The following DPP10 variants were observed in gnomAD, a reference collection of about 807,000 sequenced individuals.
The protein encoded by DPP10 is inactive dipeptidyl peptidase 10.
DPP10 carries 33 observed loss-of-function variants against 120.9 expected under a neutral mutation model. That is an observed-to-expected ratio of 0.27 (90% CI 0.21 to 0.37). The LOEUF (loss-of-function observed/expected upper bound fraction) is 0.37, where lower values mean the gene tolerates loss of function less well. Ranked by LOEUF, DPP10 falls within the 10% of genes least tolerant of loss-of-function variation. DPP10 has a pLI of 1.00. For synonymous variants in DPP10, 337 were observed against 326.1 expected, an observed-to-expected ratio of 1.03 and a Z score of -0.36; for missense variants, 816 against 942.8, an observed-to-expected ratio of 0.87 and a Z score of 1.76.
At chr2:115,666,242 G>T (rs950340245) in intron 5 of DPP10, among the ~76,000 whole-genome samples, 1 of 152,036 alleles carries the variant, frequency 6.6e-6, no homozygotes, top group African/African-American at 2.4e-5. Flanking sequence ...TAAAGGAAAG[G>T]GGTTTAATTG....
intron 5 of DPP10, among the ~76,000 whole-genome samples, chr2:115,687,234 G>T (rs2091041062): frequency 6.6e-6 from 1 of 151,880 alleles, no homozygotes; most frequent in African/African-American, 2.4e-5. Flanking sequence ...GAGAAAGAGA[G>T]ATAGAAATTT....
intron 1 of DPP10, among the ~76,000 whole-genome samples, chr2:115,027,455 G>A (rs1435594180): frequency 1.3e-5 from 2 of 152,078 alleles, no homozygotes; most frequent in African/African-American, 4.8e-5. Context: ...TTCTTGGGAT[G>A]AATCTCACTT....
At chr2:115,027,951 A>G (rs1032887325) in intron 1 of DPP10, among the ~76,000 whole-genome samples, 2 of 151,860 alleles carry the variant, frequency 1.3e-5, no homozygotes, top group Non-Finnish European at 2.9e-5. Context: ...GTTAGTTGTT[A>G]TGTCTCCTTT....
At chr2:115,742,239 C>T (rs1216035516) in intron 9 of DPP10, among the ~76,000 whole-genome samples, 2 of 152,066 alleles carry the variant, frequency 1.3e-5, no homozygotes, top group African/African-American at 4.8e-5. Flanking sequence ...TTTCATCCCT[C>T]TCTATAAAAC....
chr2:115,275,369 G>A (rs1489106062), intron 1 of DPP10, among the ~76,000 whole-genome samples: 5 of 151,932 alleles, frequency 3.3e-5, no homozygotes, highest in East Asian at 1.9e-4. Context: ...TTTACATAAC[G>A]AATCTATCGA....
intron 1 of DPP10, among the ~76,000 whole-genome samples, chr2:114,885,072 C>A (rs1429801660): frequency 6.6e-6 from 1 of 152,172 alleles, no homozygotes; most frequent in Non-Finnish European, 1.5e-5. Context: ...TGGCTGTTCT[C>A]ACACTGCTCC....
intron 1 of DPP10, among the ~76,000 whole-genome samples, chr2:114,927,526 A>G (rs773958033): frequency 4.6e-5 from 7 of 152,086 alleles, no homozygotes; most frequent in Non-Finnish European, 1.0e-4. Context: ...TGGATGAGAC[A>G]CAAATGGTTG....
intron 1 of DPP10, among the ~76,000 whole-genome samples, chr2:114,814,907 A>G (rs1685497516): frequency 6.6e-6 from 1 of 152,152 alleles, no homozygotes; most frequent in Non-Finnish European, 1.5e-5. Flanking sequence ...AGGAGCTGCC[A>G]TGGGCTTTTG....
At chr2:115,095,861 A>C (rs17686659) in intron 1 of DPP10, among the ~76,000 whole-genome samples, 2,677 of 152,286 alleles carry the variant, frequency 0.018, 42 homozygotes, top group Non-Finnish European at 0.027. Flanking sequence ...TTTTATATGT[A>C]GTAGTATTAA....
chr2:115,334,230 G>GTTTATTTTTTTTTTTTTTTTT (rs1553554650), intron 2 of DPP10, among the ~76,000 whole-genome samples: 1 of 56,412 alleles, frequency 1.8e-5, no homozygotes, highest in African/African-American at 4.9e-5. Flanking sequence ...AGCAGACTCT[G>GTTTATTTTTTTTTTTTTTTTT]TTTTTTTTTT....
chr2:115,602,639 C>A (rs4491731), intron 5 of DPP10, among the ~76,000 whole-genome samples: 150,451 of 152,254 alleles, frequency 0.99, 74,363 homozygotes, highest in East Asian at 1. Flanking sequence ...ACCTTCCTCT[C>A]AGACAAATGT....
chr2:115,059,968 TGAG>T (rs1706266572), intron 1 of DPP10, among the ~76,000 whole-genome samples: 1 of 152,086 alleles, frequency 6.6e-6, no homozygotes, highest in Admixed American at 6.5e-5. Context: ...GTTTAAAACA[TGAG>T]GATGATGCGT....
intron 5 of DPP10, among the ~76,000 whole-genome samples, chr2:115,596,124 G>C (rs1014643992): frequency 1.3e-5 from 2 of 152,182 alleles, no homozygotes; most frequent in East Asian, 1.9e-4. Context: ...TTAGAGCCTA[G>C]AATCTAATAG....
intron 1 of DPP10, among the ~76,000 whole-genome samples, chr2:114,918,622 G>T (rs1694975771): frequency 6.6e-6 from 1 of 152,160 alleles, no homozygotes; most frequent in Admixed American, 6.5e-5. Context: ...GCCATCGAAT[G>T]AATGAAGTCA....
chr2:114,562,770 A>G (rs1688871162), intron 1 of DPP10, among the ~76,000 whole-genome samples: 3 of 152,234 alleles, frequency 2.0e-5, no homozygotes, highest in Admixed American at 6.5e-5. Flanking sequence ...TATATTTTCC[A>G]TTTATCTTGA....
intron 1 of DPP10, among the ~76,000 whole-genome samples, chr2:115,121,947 G>C (rs1213040838): frequency 6.6e-6 from 1 of 152,158 alleles, no homozygotes; most frequent in Non-Finnish European, 1.5e-5. Flanking sequence ...TTTAAGATTT[G>C]GGGGGATCAA....
At chr2:115,309,870 C>G (rs1011554080) in intron 2 of DPP10, among the ~76,000 whole-genome samples, 10 of 151,954 alleles carry the variant, frequency 6.6e-5, no homozygotes, top group Non-Finnish European at 1.2e-4. Context: ...AAGTTTCTAC[C>G]CTATCTAAAG....
At chr2:114,619,030 A>G (rs1183024567) in intron 1 of DPP10, among the ~76,000 whole-genome samples, 1 of 151,972 alleles carries the variant, frequency 6.6e-6, no homozygotes, top group East Asian at 1.9e-4. Flanking sequence ...GCAATGGACC[A>G]CACATGGGAA....
intron 21 of DPP10, among the ~76,000 whole-genome samples, chr2:115,832,684 T>A (rs974908498): frequency 1.3e-5 from 2 of 152,106 alleles, no homozygotes; most frequent in African/African-American, 4.8e-5. Context: ...AAAATATAAC[T>A]CCTTGTATAG....
Sources: gnomAD v4.1 joint callset for allele counts (sites outside exome capture counted in the v4.1 genomes callset) on GRCh38, gnomAD v4.1.1 for gene constraint, MANE v1.5 for transcripts, NCBI Gene and HGNC (gene_info 2026-07-23, HGNC 2026-07-21) for gene names.